ANOS1: variants seen among roughly 807,000 people sequenced by gnomAD.
The protein encoded by ANOS1 is anosmin-1.
Under a neutral mutation model 59.0 loss-of-function variants are expected in ANOS1, and 6 were observed. That is an observed-to-expected ratio of 0.10 (90% CI 0.06 to 0.20). The LOEUF is 0.20. Among genes scored for constraint, ANOS1 ranks in the 10% least tolerant of loss-of-function variants. The pLI is 1.00. For missense variants in ANOS1, 433 were observed against 542.3 expected (o/e 0.80, Z 2.00); for synonymous variants, 217 against 223.4 (o/e 0.97, Z 0.25).
At chrX:8,673,282 A>C (rs1345893383) in intron 2 of ANOS1, among the ~76,000 whole-genome samples, 1 of 106,783 alleles carries the variant, frequency 9.4e-6, no homozygotes, top group Non-Finnish European at 1.9e-5. Context: ...CCATACTAAA[A>C]TTTAGCTATT....
chrX:8,670,722 GT>G (rs1376228332), intron 2 of ANOS1, among the ~76,000 whole-genome samples: 1 of 111,608 alleles, frequency 9.0e-6, no homozygotes, highest in Non-Finnish European at 1.9e-5. Flanking sequence ...CCACCTGCCT[GT>G]TTAGTAGCTC....
At chrX:8,578,421 T>C (rs1168393567) in intron 6 of ANOS1, among the ~76,000 whole-genome samples, 3 of 111,127 alleles carry the variant, frequency 2.7e-5, no homozygotes, top group East Asian at 2.8e-4. Context: ...CTTTTGCCCA[T>C]TGGAAATGGC....
intron 3 of ANOS1, among the ~76,000 whole-genome samples, chrX:8,605,395 T>A (rs1930920930): frequency 9.0e-6 from 1 of 110,669 alleles, no homozygotes; most frequent in Non-Finnish European, 1.9e-5. Flanking sequence ...AAATGTGAAA[T>A]AAGACAAAAA....
chrX:8,684,878 C>T (rs1312362160), intron 2 of ANOS1, among the ~76,000 whole-genome samples: 1 of 110,558 alleles, frequency 9.0e-6, no homozygotes, highest in Non-Finnish European at 1.9e-5. Context: ...AGAGGAGCTG[C>T]GTCCCCAAGG....
At chrX:8,614,544 TA>T (rs911145202) in intron 3 of ANOS1, among the ~76,000 whole-genome samples, 3 of 111,835 alleles carry the variant, frequency 2.7e-5, no homozygotes, top group Non-Finnish European at 5.6e-5. Context: ...CCAATAGAAT[TA>T]AAAAGTGTTG....
chrX:8,687,180 C>T (rs920033043), intron 2 of ANOS1, among the ~76,000 whole-genome samples: 2 of 110,881 alleles, frequency 1.8e-5, no homozygotes, highest in African/African-American at 3.3e-5. Context: ...ATAGCTTAGC[C>T]GTGTAATCAA....
At chrX:8,698,844 G>A (rs1160462443) in intron 2 of ANOS1, among the ~76,000 whole-genome samples, 1 of 111,955 alleles carries the variant, frequency 8.9e-6, no homozygotes, top group Non-Finnish European at 1.9e-5. Flanking sequence ...TTTATTGTAT[G>A]TATTTGAAAG....
At chrX:8,622,957 TAGAC>T (rs1050611060) in intron 3 of ANOS1, among the ~76,000 whole-genome samples, 1 of 111,147 alleles carries the variant, frequency 9.0e-6, no homozygotes, top group Non-Finnish European at 1.9e-5. Flanking sequence ...GATGGATAGA[TAGAC>T]AAATAGATAT....
chrX:8,633,560 A>C (rs1354252891), intron 2 of ANOS1, among the ~76,000 whole-genome samples: 1 of 112,038 alleles, frequency 8.9e-6, no homozygotes, highest in Non-Finnish European at 1.9e-5. Context: ...TCCCATGGTC[A>C]CTGCTCAAAT....
At chrX:8,677,217 G>A (rs746365334) in intron 2 of ANOS1, among the ~76,000 whole-genome samples, 63 of 111,284 alleles carry the variant, frequency 5.7e-4, no homozygotes, top group Non-Finnish European at 1.1e-3. Context: ...ACCACGCAGC[G>A]TGTTGAGCTG....
At chrX:8,666,442 T>C (rs1415684540) in intron 2 of ANOS1, among the ~76,000 whole-genome samples, 1 of 111,593 alleles carries the variant, frequency 9.0e-6, no homozygotes, top group African/African-American at 3.3e-5. Flanking sequence ...ATATCATAAA[T>C]GTCATAATAA....
At chrX:8,669,985 A>G (rs1192139954) in intron 2 of ANOS1, among the ~76,000 whole-genome samples, 15 of 112,290 alleles carry the variant, frequency 1.3e-4, no homozygotes, top group Non-Finnish European at 7.5e-5. Context: ...ACATGAAGGT[A>G]GCTTGCCCAA....
chrX:8,650,617 C>G (rs1931836025), intron 2 of ANOS1, among the ~76,000 whole-genome samples: 1 of 111,859 alleles, frequency 8.9e-6, no homozygotes, highest in South Asian at 3.8e-4. Flanking sequence ...ACTCAGGAAG[C>G]TGAGGCAGGA....
At chrX:8,663,453 T>A (rs1026112410) in intron 2 of ANOS1, among the ~76,000 whole-genome samples, 1 of 111,476 alleles carries the variant, frequency 9.0e-6, no homozygotes, top group Non-Finnish European at 1.9e-5. Context: ...CCCGAGGAGT[T>A]AAAGAAACCA....
intron 8 of ANOS1, among the ~76,000 whole-genome samples, chrX:8,563,121 T>C: frequency 8.9e-6 from 1 of 112,255 alleles, no homozygotes; most frequent in Non-Finnish European, 1.9e-5. Flanking sequence ...AGTCAATCTC[T>C]TCTGTGGAAT....
intron 2 of ANOS1, among the ~76,000 whole-genome samples, chrX:8,671,885 C>T (rs182533822): frequency 4.4e-3 from 483 of 110,469 alleles, no homozygotes; most frequent in South Asian, 0.017. Flanking sequence ...AGGTAGTTAA[C>T]GTATGCATTA....
intron 2 of ANOS1, among the ~76,000 whole-genome samples, chrX:8,666,530 A>C (rs2146876389): frequency 8.9e-6 from 1 of 111,945 alleles, no homozygotes; most frequent in Non-Finnish European, 1.9e-5. Flanking sequence ...AATCTGCAAC[A>C]TTGTAAGTTT....
intron 1 of ANOS1, among the ~76,000 whole-genome samples, chrX:8,702,360 T>G (rs1481080210): frequency 8.9e-6 from 1 of 111,818 alleles, no homozygotes; most frequent in East Asian, 2.8e-4. Flanking sequence ...AAAACTGAAA[T>G]TTTATAAAGG....
Position 8,568,385 on chromosome X carries a change from T to C in ANOS1, c.1063-9A>G. 8.3e-7 allele frequency: 1 copy of C among 1,201,439 alleles called. No individual in the cohort carries two copies. Among genetic ancestry groups the C allele is most frequent in the East Asian group, 3.0e-5 (1 of 33,769 alleles). ...ATCACAGAATTTTGAAACTAGAAAT[T>C]AAGAGAATATACCCAAAATGCGTTA... On this transcript the variant is annotated splice_polypyrimidine_tract_variant and intron_variant, in intron 7 of 13. Coordinates refer to ENST00000262648, the MANE Select transcript of ANOS1 (RefSeq NM_000216.4).
Sources: gnomAD v4.1 joint callset for allele counts (sites outside exome capture counted in the v4.1 genomes callset) on GRCh38, gnomAD v4.1.1 for gene constraint, MANE v1.5 for transcripts, NCBI Gene and HGNC (gene_info 2026-07-23, HGNC 2026-07-21) for gene names.